CTNNA2: variants seen among roughly 807,000 people sequenced by gnomAD.
CTNNA2 encodes catenin alpha 2.
A neutral mutation model predicts 101.0 loss-of-function variants in CTNNA2; 42 were observed. The ratio of observed to expected loss-of-function variants is 0.42; its 90% CI spans 0.32 to 0.54. The LOEUF (loss-of-function observed/expected upper bound fraction) is 0.54. CTNNA2 is among the 20% of genes least tolerant of loss of function. The probability of loss-of-function intolerance (pLI) is 0.14; values close to 1 mark genes in which losing one functional copy is unlikely to be tolerated. For missense variants in CTNNA2, 871 were observed against 1,223.1 expected (o/e 0.71, Z 4.29); for synonymous variants, 450 against 456.4 (o/e 0.99, Z 0.18).
intron 1 of CTNNA2, among the ~76,000 whole-genome samples, chr2:79,641,433 G>A (rs1225282818): frequency 1.3e-5 from 2 of 152,116 alleles, no homozygotes; most frequent in Non-Finnish European, 2.9e-5. Context: ...GTTACTTTTG[G>A]ACTGTAAAGA....
intron 1 of CTNNA2, among the ~76,000 whole-genome samples, chr2:79,597,871 G>A (rs1573442184): frequency 1.3e-5 from 2 of 152,130 alleles, no homozygotes; most frequent in African/African-American, 4.8e-5. Flanking sequence ...ATAATAACAT[G>A]TGTCTACCAC....
chr2:79,759,395 G>GATA (rs796696981), intron 3 of CTNNA2, among the ~76,000 whole-genome samples: 1 of 54,294 alleles, frequency 1.8e-5, no homozygotes, highest in African/African-American at 1.1e-4. Context: ...CCATCTCAAA[G>GATA]ATAATAATAA....
chr2:79,440,128 T>C (rs116530088), intron 4 of CTNNA2, among the ~76,000 whole-genome samples: 2,986 of 152,232 alleles, frequency 0.02, 92 homozygotes, highest in African/African-American at 0.067. Flanking sequence ...TTCTAAAGGT[T>C]CTATTAAGAG....
At chr2:80,162,661 A>C in intron 7 of CTNNA2, 1 of 1,612,654 alleles carries the variant, frequency 6.2e-7, no homozygotes, top group Non-Finnish European at 8.5e-7. Context: ...TTACGCTGTG[A>C]TGATGGTGTA....
chr2:79,239,189 G>A (rs185883668), intron 2 of CTNNA2, among the ~76,000 whole-genome samples: 73 of 152,158 alleles, frequency 4.8e-4, no homozygotes, highest in Non-Finnish European at 8.5e-4. Flanking sequence ...AAAGCTGGAG[G>A]CATCATGCTA....
chr2:80,069,286 A>T (rs1168691891), intron 7 of CTNNA2, among the ~76,000 whole-genome samples: 1 of 152,192 alleles, frequency 6.6e-6, no homozygotes, highest in Non-Finnish European at 1.5e-5. Flanking sequence ...TTCAAATGCT[A>T]ATCTATTCCG....
At chr2:79,992,195 A>G (rs766805485) in intron 7 of CTNNA2, among the ~76,000 whole-genome samples, 1 of 152,182 alleles carries the variant, frequency 6.6e-6, no homozygotes, top group Non-Finnish European at 1.5e-5. Context: ...TTGTGCCTCA[A>G]ATTAGAAGGA....
chr2:80,063,043 G>A (rs1697718441), intron 7 of CTNNA2, among the ~76,000 whole-genome samples: 1 of 152,156 alleles, frequency 6.6e-6, no homozygotes. Flanking sequence ...TGATCTTAAG[G>A]TATGCTCAAA....
At chr2:80,272,178 A>G (rs917172308) in intron 7 of CTNNA2, among the ~76,000 whole-genome samples, 1 of 152,240 alleles carries the variant, frequency 6.6e-6, no homozygotes, top group Non-Finnish European at 1.5e-5. Flanking sequence ...ATATCTACAT[A>G]AATAACAGTT....
At chr2:80,298,587 G>C (rs1219985690) in intron 7 of CTNNA2, 3 of 152,154 alleles carry the variant, frequency 2.0e-5, no homozygotes, top group African/African-American at 7.2e-5. Flanking sequence ...GGAAAACTTG[G>C]GAGGAATAAC....
intron 4 of CTNNA2, among the ~76,000 whole-genome samples, chr2:79,399,559 C>T (rs962327894): frequency 6.6e-6 from 1 of 152,030 alleles, no homozygotes; most frequent in African/African-American, 2.4e-5. Flanking sequence ...ACAAAGAATA[C>T]AGACTTTACA....
chr2:80,494,700 T>C (rs1224061041), intron 9 of CTNNA2, among the ~76,000 whole-genome samples: 1 of 152,176 alleles, frequency 6.6e-6, no homozygotes, highest in Non-Finnish European at 1.5e-5. Flanking sequence ...TTAGCTCATA[T>C]TAAGTATGTC....
intron 1 of CTNNA2, among the ~76,000 whole-genome samples, chr2:79,636,693 T>C (rs953458562): frequency 2.6e-5 from 4 of 152,180 alleles, no homozygotes; most frequent in African/African-American, 7.2e-5. Context: ...GTGAAAAATA[T>C]ATATAATTTT....
chr2:80,413,660 T>G (rs1679786093), intron 8 of CTNNA2, among the ~76,000 whole-genome samples: 1 of 152,218 alleles, frequency 6.6e-6, no homozygotes, highest in Non-Finnish European at 1.5e-5. Context: ...GCTCACTACT[T>G]GTCAAGCCCC....
chr2:80,184,728 A>G (rs761231117), intron 7 of CTNNA2, among the ~76,000 whole-genome samples: 1 of 152,118 alleles, frequency 6.6e-6, no homozygotes, highest in Non-Finnish European at 1.5e-5. Context: ...TTTGTTTTAT[A>G]TACCCTCCTA....
intron 1 of CTNNA2, among the ~76,000 whole-genome samples, chr2:79,604,209 C>G (rs922909619): frequency 6.6e-6 from 1 of 152,210 alleles, no homozygotes; most frequent in African/African-American, 2.4e-5. Context: ...ATGTGTATCA[C>G]TTTTGCACCA....
intron 9 of CTNNA2, among the ~76,000 whole-genome samples, chr2:80,449,128 T>C (rs1478023845): frequency 1.3e-5 from 2 of 151,930 alleles, no homozygotes; most frequent in African/African-American, 2.4e-5. Flanking sequence ...GAAGCAAAAA[T>C]AGGCCAGGTG....
Position 80,647,750 on chromosome 2 carries a change from A to C in CTNNA2, c.2740A>C (p.Lys914Gln), listed in dbSNP as rs1291486133. Residue 914 changes from lysine to glutamine, a missense_variant, in exon 19 of 19, where the codon AAG becomes CAG. Transcript: ENST00000402739. ...TTGGAAGATGAAGGCTCCAGAGAAGAAGCCCCTTGTGAAGAGAGAAAAGCC... is the reference window on the plus strand; with the variant it reads ...TTGGAAGATGAAGGCTCCAGAGAAGCAGCCCCTTGTGAAGAGAGAAAAGCC... The part of the protein sequence containing the change: ...VSWKMKAPEK[K>Q]PLVKREKPEE... 6.2e-7 allele frequency: 1 copy of C among 1,613,500 alleles called. No individual in the cohort carries two copies. Among genetic ancestry groups the C allele is most frequent in the African/African-American group, 1.3e-5 (1 of 74,880 alleles).
chr2:80,545,812 G>A, intron 10 of CTNNA2, 95 bp from the exon 11 acceptor site: 4 of 1,263,004 alleles, frequency 3.2e-6, no homozygotes, highest in South Asian at 3.0e-5. Context: ...TCTGTAGAAC[G>A]TACAGGGTGC....
Sources: gnomAD v4.1 joint callset for allele counts (sites outside exome capture counted in the v4.1 genomes callset) on GRCh38, gnomAD v4.1.1 for gene constraint, MANE v1.5 for transcripts, NCBI Gene and HGNC (gene_info 2026-07-23, HGNC 2026-07-21) for gene names.